Variants in MEGF8 observed in about 807,000 individuals in gnomAD.
MEGF8 encodes multiple EGF like domains 8, also known as multiple epidermal growth factor-like domains protein 8.
A neutral mutation model predicts 302.9 loss-of-function variants in MEGF8; 156 were observed. The ratio of observed to expected loss-of-function variants is 0.52; its 90% confidence interval spans 0.45 to 0.59. The LOEUF (loss-of-function observed/expected upper bound fraction) is 0.59, where lower values mean the gene tolerates loss of function less well. Among genes scored for constraint, MEGF8 ranks in the 20% least tolerant of loss-of-function variants. The pLI, the probability that MEGF8 is intolerant of heterozygous loss-of-function variation, is 0.00. For synonymous variants in MEGF8, 1,621 were observed against 1,660.5 expected (o/e 0.98, Z 0.58); for missense variants, 3,345 against 3,964.5 (o/e 0.84, Z 4.20).
intron 1 of MEGF8, among the ~76,000 whole-genome samples, chr19:42,330,198 C>T (rs1016968180): frequency 5.3e-5 from 8 of 152,180 alleles, no homozygotes; most frequent in Non-Finnish European, 1.2e-4. Context: ...CCTGGGATTA[C>T]AGACGTGAGC....
chr19:42,366,937 G>A (rs901644965), intron 35 of MEGF8, among the ~76,000 whole-genome samples: 1 of 152,188 alleles, frequency 6.6e-6, no homozygotes, highest in African/African-American at 2.4e-5. Flanking sequence ...TGATTTGCAG[G>A]CCCCTCAGTG....
At chr19:42,343,200 T>G (rs1009736123) in intron 8 of MEGF8, among the ~76,000 whole-genome samples, 5 of 152,086 alleles carry the variant, frequency 3.3e-5, no homozygotes, top group African/African-American at 1.2e-4. Context: ...ACACAGCTAG[T>G]CAGTAGTTGA....
In MEGF8 at chr19:42,350,391, G is replaced by A. The variant is rs753726677; in HGVS notation, c.2736+7G>A. 6 of 1,516,878 alleles carry A rather than the reference G, an allele frequency of 4.0e-6. No homozygotes were observed. The African/African-American group carries it at 8.2e-5, about 21-fold the overall frequency. The allele number at this position is 1,516,878 out of a possible 1,614,324, so 94.0% of individuals were successfully genotyped here. On this transcript the variant is annotated splice_region_variant and intron_variant, in intron 15 of 41. Transcript: ENST00000251268. ...CTGCCACGCCTGCACCCAGGTGCCTGTGGGGCCACCAGGGGAGGTCACAAG... is the reference window on the plus strand; with the variant it reads ...CTGCCACGCCTGCACCCAGGTGCCTATGGGGCCACCAGGGGAGGTCACAAG...
At chr19:42,373,228 G>A (rs1020869662) in intron 41 of MEGF8, among the ~76,000 whole-genome samples, 4 of 151,530 alleles carry the variant, frequency 2.6e-5, no homozygotes, top group African/African-American at 9.7e-5. Context: ...GAGTAGCTGG[G>A]ACTACAGGCA....
At position 42,326,400 on chromosome 19, in the gene MEGF8, G is replaced by A. The variant is rs761004605; in HGVS notation, c.157G>A (p.Val53Ile). ...GACGGATGGTGCGGGCAACTACAGC[G>A]TCAATGGCAACTGCGAGTGGCTCAT... is the stretch of plus-strand genomic sequence containing the variant. The part of the protein sequence containing the change: ...FVTDGAGNYS[V>I]NGNCEWLIEA... The change falls in exon 1 of 42, where the codon GTC becomes ATC. Residue 53 changes from valine to isoleucine, a missense_variant. Val to Ile is a conservative substitution (Grantham distance 29). Transcript: ENST00000251268. The A allele has an allele frequency of 7.6e-6, 12 of 1,574,460 alleles. No homozygotes were observed. Among genetic ancestry groups the A allele is most frequent in the Non-Finnish European group, 1.0e-5 (12 of 1,164,194 alleles).
chr19:42,352,068 C>T lies in MEGF8; in HGVS notation c.3102-140C>T. The stretch of plus-strand genomic sequence containing the variant: ...AAAATTGTTTTTGTCTGCGACTTCT[C>T]CTGGTTTCTCTGTCTCTCTTTCCAA... On this transcript the variant is annotated intron_variant, in intron 18 of 41. Coordinates refer to ENST00000251268, the MANE Select transcript of MEGF8 (RefSeq NM_001271938.2). The surrounding 1 kb of genome is among the most constrained non-coding windows in gnomAD (Gnocchi z 4.4). The T allele has an allele frequency of 1.7e-6, 2 of 1,175,018 alleles. No individual in the cohort carries two copies. Among genetic ancestry groups the T allele is most frequent in the South Asian group, 1.7e-5 (1 of 59,528 alleles). 72.8% of individuals were successfully genotyped at this position (1,175,018 alleles called of 1,614,324 possible). A position where few individuals can be genotyped will look rare whatever the true frequency, so the allele number is the denominator to read the frequency against.
chr19:42,362,187 C>G lies in MEGF8; in HGVS notation c.5818C>G (p.Arg1940Gly). Reference protein sequence around the residue: ...TCSECLARHPRTLQPGDGEAS... With the variant: ...TCSECLARHPGTLQPGDGEAS... ...CAGTGAGTGCCTGGCCCGCCATCCT[C>G]GGACCCTGCAACCTGGAGATGGAGA... is the stretch of plus-strand genomic sequence containing the variant. Residue 1940 changes from arginine to glycine, a missense_variant, in exon 33 of 42, where the codon CGG becomes GGG. By Grantham distance (125) the Arg-to-Gly change is moderately radical (BLOSUM62 -2). Coordinates refer to ENST00000251268, the MANE Select transcript of MEGF8 (RefSeq NM_001271938.2). 2 of 1,610,660 alleles carry G rather than the reference C, an allele frequency of 1.2e-6. No homozygotes were observed. The highest frequency in any genetic ancestry group is 1.7e-6 in the Non-Finnish European group (2 of 1,179,068).
chr19:42,365,688 C>T (rs75312671), intron 35 of MEGF8, among the ~76,000 whole-genome samples: 1 of 145,554 alleles, frequency 6.9e-6, no homozygotes, highest in African/African-American at 2.6e-5. Flanking sequence ...GGGAGGATCA[C>T]TTGTGTCTGG....
Position 42,376,810 on chromosome 19 carries a change from A to C in MEGF8, c.*35A>C. On this transcript the variant is annotated 3_prime_UTR_variant, in exon 42 of 42. Coordinates refer to ENST00000251268, the MANE Select transcript of MEGF8 (RefSeq NM_001271938.2). This position sits in a 1 kb window ranked among gnomAD's most constrained non-coding sequence, Gnocchi z 8.2. ...GGTTCTCATCCACAGCAGCTGGGTCACCTGATAGGGCCGCCCTGGACTTGG... is the reference window on the plus strand; with the variant it reads ...GGTTCTCATCCACAGCAGCTGGGTCCCCTGATAGGGCCGCCCTGGACTTGG... The C allele has an allele frequency of 7.0e-7, 1 of 1,420,100 alleles. No individual in the cohort carries two copies. Among genetic ancestry groups the C allele is most frequent in the Non-Finnish European group, 9.2e-7 (1 of 1,090,866 alleles). The allele number at this position is 1,420,100 out of a possible 1,614,324, so 88.0% of individuals were successfully genotyped here.
chr19:42,368,711 G>T lies in MEGF8; in HGVS notation c.6481+49G>T, dbSNP rs200476096. 6 of 1,536,364 alleles carry T rather than the reference G, an allele frequency of 3.9e-6. No homozygotes were observed. Among genetic ancestry groups the T allele is most frequent in the Middle Eastern group, 2.0e-4 (1 of 5,016 alleles). On this transcript the variant is annotated intron_variant, in intron 36 of 41. Coordinates refer to ENST00000251268, the MANE Select transcript of MEGF8 (RefSeq NM_001271938.2). The surrounding 1 kb of genome is among the most constrained non-coding windows in gnomAD (Gnocchi z 4.9). The stretch of plus-strand genomic sequence containing the variant: ...GGAGAGGGGCTGGCCCTTGGTTGGG[G>T]TCTGATACAGTGAACATAGGGATAC...
At chr19:42,362,731 G>C in intron 34 of MEGF8, 134 bp downstream of exon 34, 1 of 1,074,400 alleles carries the variant, frequency 9.3e-7, no homozygotes, top group Non-Finnish European at 1.4e-6. Flanking sequence ...CTGGGTCTGA[G>C]GGAGAAGGGG....
At position 42,356,502 on chromosome 19, in the gene MEGF8, C is replaced by G. The variant is rs768197711; in HGVS notation, c.4622+49C>G. ...GGATTCGCAAATAAGAGAAGGTCAC[C>G]TCGGGATGCTAAGAGTCACCTCAGA... On this transcript the variant is annotated intron_variant, in intron 26 of 41. Coordinates refer to ENST00000251268, the MANE Select transcript of MEGF8 (RefSeq NM_001271938.2). This position sits in a 1 kb window ranked among gnomAD's most constrained non-coding sequence, Gnocchi z 5.2. 1 of 1,413,506 alleles carries G rather than the reference C, an allele frequency of 7.1e-7. No individual in the cohort carries two copies. The highest frequency in any genetic ancestry group is 9.6e-7 in the Non-Finnish European group (1 of 1,045,592). 87.6% of individuals were successfully genotyped at this position (1,413,506 alleles called of 1,614,324 possible). A position where few individuals can be genotyped will look rare whatever the true frequency, so the allele number is the denominator to read the frequency against.
In MEGF8 at chr19:42,326,343, C is replaced by G; in HGVS notation, c.100C>G (p.Arg34Gly). The G allele has an allele frequency of 6.3e-7, 1 of 1,582,134 alleles. No homozygotes were observed. The highest frequency in any genetic ancestry group is 8.6e-7 in the Non-Finnish European group (1 of 1,168,128). Residue 34 changes from arginine to glycine, a missense_variant, in exon 1 of 42, where the codon CGG becomes GGG. Coordinates refer to ENST00000251268, the MANE Select transcript of MEGF8 (RefSeq NM_001271938.2). ...GARAGDCKGQRQVLREAPGFV... is the reference protein window; with the variant it reads ...GARAGDCKGQGQVLREAPGFV... ...CCGGGCGGGGGACTGCAAGGGGCAGCGGCAGGTGCTGCGGGAGGCGCCAGG... is the reference window on the plus strand; with the variant it reads ...CCGGGCGGGGGACTGCAAGGGGCAGGGGCAGGTGCTGCGGGAGGCGCCAGG...
At chr19:42,343,090 A>G (rs1394980666) in intron 8 of MEGF8, among the ~76,000 whole-genome samples, 1 of 152,176 alleles carries the variant, frequency 6.6e-6, no homozygotes, top group East Asian at 1.9e-4. Flanking sequence ...GGGGCTCAGC[A>G]GATTCTTCAG....
intron 5 of MEGF8, 41 bp from the exon 6 acceptor site, chr19:42,335,890 T>C (rs1270731354): frequency 7.7e-6 from 11 of 1,436,770 alleles, no homozygotes; most frequent in Non-Finnish European, 1.0e-5. Context: ...TCTGGCTCTC[T>C]TGCTGTGTCT....
chr19:42,333,748 A>T lies in MEGF8; in HGVS notation c.331A>T (p.Ile111Phe). ...AAGTGGGAGCACCCGACCTCCGCCC[A>T]TCGAAGCTTCCTCAGGCAAGGTTAG... ...SLSGSTRPPPIEASSGKMLLH... is the reference protein window; with the variant it reads ...SLSGSTRPPPFEASSGKMLLH... Residue 111 changes from isoleucine (I) to phenylalanine (F), a missense_variant, in exon 2 of 42, where the codon ATC becomes TTC. Coordinates refer to ENST00000251268, the MANE Select transcript of MEGF8 (RefSeq NM_001271938.2). 6.2e-7 allele frequency: 1 copy of T among 1,613,908 alleles called. No homozygotes were observed. Among genetic ancestry groups the T allele is most frequent in the Non-Finnish European group, 8.5e-7 (1 of 1,179,850 alleles).
chr19:42,368,580 C>T lies in MEGF8; in HGVS notation c.6399C>T (p.Arg2133=), dbSNP rs2039640512. 6.3e-7 allele frequency: 1 copy of T among 1,583,144 alleles called. No individual in the cohort carries two copies. Among genetic ancestry groups the T allele is most frequent in the Middle Eastern group, 1.7e-4 (1 of 6,012 alleles). ...CTCAGTGCGCCTTGTGCCTGCGGCG[C>T]CCCCATTGCGGCTGGTGTGCCTGGG... is the stretch of plus-strand genomic sequence containing the variant. ...QATQCALCLR[R]PHCGWCAWGG... is the part of the protein sequence containing the mutation. Residue 2133 remains arginine, a synonymous_variant, in exon 36 of 42, where the codon CGC becomes CGT. Transcript: ENST00000251268. The surrounding 1 kb of genome is among the most constrained non-coding windows in gnomAD (Gnocchi z 4.9).
At chr19:42,341,055 T>C (rs978994572) in intron 8 of MEGF8, among the ~76,000 whole-genome samples, 2 of 152,076 alleles carry the variant, frequency 1.3e-5, no homozygotes, top group Admixed American at 6.6e-5. Context: ...AGCCTTGACC[T>C]CCCGGGCTCA....
chr19:42,357,274 AC>A lies in MEGF8; in HGVS notation c.4831-129del. ...CTCTGCCAGGACCCAGGCTGGTCCGACTGGCCCTGGGGGGGTCATTCCCTCC... is the reference window on the plus strand; with the variant it reads ...CTCTGCCAGGACCCAGGCTGGTCCGATGGCCCTGGGGGGGTCATTCCCTCC... On this transcript the variant is annotated intron_variant, in intron 27 of 41. Transcript: ENST00000251268. This position sits in a 1 kb window ranked among gnomAD's most constrained non-coding sequence, Gnocchi z 5.2. The A allele has an allele frequency of 8.6e-7, 1 of 1,169,542 alleles. No homozygotes were observed. Among genetic ancestry groups the A allele is most frequent in the Non-Finnish European group, 1.2e-6 (1 of 832,738 alleles). 72.4% of individuals were successfully genotyped at this position (1,169,542 alleles called of 1,614,324 possible). A position where few individuals can be genotyped will look rare whatever the true frequency, so the allele number is the denominator to read the frequency against.
Sources: gnomAD v4.1 joint callset for allele counts (sites outside exome capture counted in the v4.1 genomes callset) on GRCh38, gnomAD v4.1.1 for gene constraint, Gnocchi (gnomAD v3.1) non-coding constraint, MANE v1.5 for transcripts, NCBI Gene and HGNC (gene_info 2026-07-23, HGNC 2026-07-21) for gene names.